RSU1: variants seen among roughly 807,000 people sequenced by gnomAD.
The protein encoded by RSU1 is rsu-1.
In RSU1, 26 loss-of-function variants were observed where a neutral mutation model predicts 31.1. The ratio of observed to expected loss-of-function variants is 0.84; its 90% CI spans 0.61 to 1.16. RSU1 has a LOEUF of 1.16. Among genes scored for constraint, RSU1 ranks in the 50% most tolerant of loss-of-function variants. The pLI is 0.00. For missense variants in RSU1, 320 were observed against 339.1 expected, an observed-to-expected ratio of 0.94 and a Z score of 0.44; for synonymous variants, 164 against 136.3, an observed-to-expected ratio of 1.20 and a Z score of -1.41.
At position 16,590,815 on chromosome 10, in the gene RSU1, G is replaced by C. The variant is rs1833492667; in HGVS notation, c.*2579C>G. On this transcript the variant is annotated 3_prime_UTR_variant, in exon 9 of 9. Transcript: ENST00000345264. ...ACGTATTACAAACAAGCTTCCTTTTGACACAGCTGGGACCATCCTTATATA... is the reference window on the plus strand; with the variant it reads ...ACGTATTACAAACAAGCTTCCTTTTCACACAGCTGGGACCATCCTTATATA... 6.6e-6 allele frequency: 1 copy of C among 152,142 alleles called. No individual in the cohort carries two copies. The highest frequency in any genetic ancestry group is 1.5e-5 in the Non-Finnish European group (1 of 68,024). 9.4% of individuals were successfully genotyped at this position (152,142 alleles called of 1,614,324 possible).
intron 8 of RSU1, among the ~76,000 whole-genome samples, chr10:16,670,773 T>A (rs1246541523): frequency 1.3e-5 from 2 of 152,072 alleles, no homozygotes; most frequent in Admixed American, 6.6e-5. Context: ...CCACAGAACC[T>A]CTTTTTTTAA....
intron 8 of RSU1, among the ~76,000 whole-genome samples, chr10:16,664,507 G>T (rs1374725006): frequency 6.6e-6 from 1 of 152,188 alleles, no homozygotes; most frequent in Admixed American, 6.5e-5. Context: ...CAACATTGAT[G>T]AATGCTTCTT....
chr10:16,608,458 G>A (rs1350337520), intron 8 of RSU1, among the ~76,000 whole-genome samples: 2 of 152,122 alleles, frequency 1.3e-5, no homozygotes, highest in African/African-American at 4.8e-5. Flanking sequence ...GCTCTCACCA[G>A]GTGAGCTTTA....
chr10:16,601,245 A>T (rs1833710103), intron 8 of RSU1, among the ~76,000 whole-genome samples: 1 of 152,176 alleles, frequency 6.6e-6, no homozygotes, highest in Non-Finnish European at 1.5e-5. Context: ...GAACTTCAGG[A>T]GCAAATGCTA....
intron 8 of RSU1, among the ~76,000 whole-genome samples, chr10:16,672,612 T>C (rs1304389698): frequency 7.3e-6 from 1 of 136,954 alleles, no homozygotes; most frequent in Non-Finnish European, 1.6e-5. Context: ...AAGGAGCCAG[T>C]TGTTTTTTTT....
rs374756677 is a variant in RSU1, at chr10:16,692,035, G to A, written c.731+2988C>T. Among the ~76,000 whole-genome samples the A allele has an allele frequency of 2.6e-5, 4 of 152,260 alleles. No homozygotes were observed. In the South Asian group the frequency reaches 6.2e-4, roughly 24 times the overall value. On this transcript the variant is annotated intron_variant, in intron 8 of 8. Coordinates refer to ENST00000345264, the MANE Select transcript of RSU1 (RefSeq NM_012425.4). ...TTCACCCCAAAGTGCTGGGATCATAGGCGTGAGCCACCGCACCCAGCCTAC... is the reference window on the plus strand; with the variant it reads ...TTCACCCCAAAGTGCTGGGATCATAAGCGTGAGCCACCGCACCCAGCCTAC...
At chr10:16,688,626 T>C (rs11254144) in intron 8 of RSU1, among the ~76,000 whole-genome samples, 50,815 of 151,994 alleles carry the variant, frequency 0.33, 8,903 homozygotes, top group Middle Eastern at 0.41. Flanking sequence ...GAAAAAATAA[T>C]ACAAATATGT....
At chr10:16,729,971 A>G (rs551082140) in intron 7 of RSU1, among the ~76,000 whole-genome samples, 2 of 152,328 alleles carry the variant, frequency 1.3e-5, no homozygotes, top group Admixed American at 1.3e-4. Flanking sequence ...TTTACAAAGA[A>G]AAGTGGTTTA....
At chr10:16,786,235 T>C (rs1038797868) in intron 2 of RSU1, among the ~76,000 whole-genome samples, 2 of 152,206 alleles carry the variant, frequency 1.3e-5, no homozygotes, top group African/African-American at 4.8e-5. Flanking sequence ...TATTTAGTTA[T>C]ACTTGCATGG....
chr10:16,663,960 G>C (rs920217957), intron 8 of RSU1, among the ~76,000 whole-genome samples: 6 of 152,080 alleles, frequency 3.9e-5, no homozygotes, highest in African/African-American at 1.4e-4. Context: ...GCAGTGACGG[G>C]TACAGGGGCA....
intron 7 of RSU1, among the ~76,000 whole-genome samples, chr10:16,750,943 G>A (rs1413987856): frequency 6.7e-6 from 1 of 149,174 alleles, no homozygotes; most frequent in Non-Finnish European, 1.5e-5. Flanking sequence ...ACTGCTCACT[G>A]CAGCTTTGAC....
intron 2 of RSU1, among the ~76,000 whole-genome samples, chr10:16,806,101 T>C (rs1309897937): frequency 6.6e-6 from 1 of 152,238 alleles, no homozygotes; most frequent in African/African-American, 2.4e-5. Flanking sequence ...ATAAGGTTTT[T>C]TGGAATAGAT....
At chr10:16,757,423 T>C (rs184949143) in intron 4 of RSU1, among the ~76,000 whole-genome samples, 232 of 152,030 alleles carry the variant, frequency 1.5e-3, no homozygotes, top group Non-Finnish European at 2.8e-3. Context: ...GAAACGCGGG[T>C]TCCCCCTGTC....
intron 7 of RSU1, among the ~76,000 whole-genome samples, chr10:16,735,818 G>A (rs1187564664): frequency 6.6e-6 from 1 of 152,132 alleles, no homozygotes; most frequent in Non-Finnish European, 1.5e-5. Context: ...TGATTCATTT[G>A]TCTCCCACTG....
rs914662111 is a variant in RSU1 at position 16,613,490 on chromosome 10, G to A, written c.732-19994C>T. On this transcript the variant is annotated intron_variant, in intron 8 of 8. Transcript: ENST00000345264. ...GTAGGGCTTCATCCCATCCCCATCTGAGCCTGGGCATCTTTCGTTTTGATT... is the reference window on the plus strand; with the variant it reads ...GTAGGGCTTCATCCCATCCCCATCTAAGCCTGGGCATCTTTCGTTTTGATT... Among the ~76,000 whole-genome samples, 3 of 152,180 alleles carry A rather than the reference G, an allele frequency of 2.0e-5. No homozygotes were observed. In the East Asian group the frequency reaches 5.8e-4, roughly 29 times the overall value.
chr10:16,783,319 C>A (rs533116055), intron 2 of RSU1, among the ~76,000 whole-genome samples: 4 of 150,006 alleles, frequency 2.7e-5, no homozygotes, highest in African/African-American at 9.9e-5. Flanking sequence ...GGGCTCAGCA[C>A]GCTTTGAAGA....
At chr10:16,619,565 C>G (rs1318058254) in intron 8 of RSU1, among the ~76,000 whole-genome samples, 1 of 152,174 alleles carries the variant, frequency 6.6e-6, no homozygotes, top group Non-Finnish European at 1.5e-5. Context: ...ACTGGGTTCC[C>G]TAAGGAAGTG....
chr10:16,775,353 C>T (rs568660529), intron 3 of RSU1, among the ~76,000 whole-genome samples: 1 of 152,306 alleles, frequency 6.6e-6, no homozygotes, highest in Admixed American at 6.5e-5. Context: ...TCTCCACAGC[C>T]TGCCACCGTT....
At chr10:16,764,593 C>G (rs1837276430) in intron 3 of RSU1, 83 bp from the exon 4 acceptor site, 1 of 1,418,034 alleles carries the variant, frequency 7.1e-7, no homozygotes, top group Non-Finnish European at 9.6e-7. Context: ...GTTTTTCTTT[C>G]AAAGCAAAGA....
Sources: gnomAD v4.1 joint callset for allele counts (sites outside exome capture counted in the v4.1 genomes callset) on GRCh38, gnomAD v4.1.1 for gene constraint, MANE v1.5 for transcripts, NCBI Gene and HGNC (gene_info 2026-07-23, HGNC 2026-07-21) for gene names.